Variants in ELMOD2 observed in about 807,000 individuals in gnomAD.
ELMOD2 encodes the protein ELMO domain-containing protein 2.
Under a neutral mutation model 41.0 loss-of-function variants are expected in ELMOD2, and 28 were observed. The ratio of observed to expected loss-of-function variants is 0.68; its 90% CI spans 0.51 to 0.94. The LOEUF (loss-of-function observed/expected upper bound fraction) is 0.94, where lower values mean the gene tolerates loss of function less well. Ranked by LOEUF, ELMOD2 falls within the 40% of genes least tolerant of loss-of-function variation. The pLI, the probability that ELMOD2 is intolerant of heterozygous loss-of-function variation, is 0.00. For missense variants in ELMOD2, 333 were observed against 343.1 expected (o/e 0.97, Z 0.23); for synonymous variants, 106 against 107.2 (o/e 0.99, Z 0.07).
chr4:140,529,684 C>T (rs1734683114), intron 3 of ELMOD2, among the ~76,000 whole-genome samples: 1 of 152,162 alleles, frequency 6.6e-6, no homozygotes, highest in Non-Finnish European at 1.5e-5. Context: ...ACCTTTGCAC[C>T]AGGTCTTCTG....
At chr4:140,540,391 A>T in intron 6 of ELMOD2, 90 bp downstream of exon 6, 1 of 1,473,396 alleles carries the variant, frequency 6.8e-7, no homozygotes. Flanking sequence ...GATCTAGTTG[A>T]TTCATACTAT....
rs1346693260 is a variant in ELMOD2 at position 140,550,581 on chromosome 4, C to G, written c.*206C>G. The G allele has an allele frequency of 4.7e-6, 2 of 425,366 alleles. No homozygotes were observed. The highest frequency in any genetic ancestry group is 7.9e-6 in the Non-Finnish European group (2 of 252,726). The allele number at this position is 425,366 out of a possible 1,614,324, so 26.3% of individuals were successfully genotyped here. A position where few individuals can be genotyped will look rare whatever the true frequency, so the allele number is the denominator to read the frequency against. ...GTTCTCCAAAGGTACCTTATCCTTC[C>G]AAAGATCCCCTCTGTAGAGTCATGC... On this transcript the variant is annotated 3_prime_UTR_variant, in exon 9 of 9. Coordinates refer to ENST00000323570, the MANE Select transcript of ELMOD2 (RefSeq NM_153702.4).
chr4:140,530,443 G>A (rs1340069221), intron 3 of ELMOD2, among the ~76,000 whole-genome samples: 1 of 152,136 alleles, frequency 6.6e-6, no homozygotes, highest in African/African-American at 2.4e-5. Flanking sequence ...AGAAGGAAGA[G>A]GTAAATGTAG....
Position 140,550,240 on chromosome 4 carries a change from C to T in ELMOD2, c.747C>T (p.Val249=), listed in dbSNP as rs760347825. ...EHFHQFYCYL[V]YEFDKFWFEE... is the part of the protein sequence containing the mutation. ...TTTCTTTAACTGCAGGTTATCTTGT[C>T]TATGAATTTGACAAGTTTTGGTTTG... Residue 249 remains valine (V), a synonymous_variant, in exon 9 of 9, where the codon GTC becomes GTT. Coordinates refer to ENST00000323570, the MANE Select transcript of ELMOD2 (RefSeq NM_153702.4). 1.2e-6 allele frequency: 2 copies of T among 1,608,856 alleles called. No homozygotes were observed. Among genetic ancestry groups the T allele is most frequent in the Middle Eastern group, 1.7e-4 (1 of 6,026 alleles).
At chr4:140,540,876 T>G (rs1238484323) in intron 6 of ELMOD2, among the ~76,000 whole-genome samples, 1 of 152,244 alleles carries the variant, frequency 6.6e-6, no homozygotes, top group Non-Finnish European at 1.5e-5. Context: ...ATGCTCCTAC[T>G]GCCTTTATTC....
chr4:140,549,013 G>A (rs771008946), intron 8 of ELMOD2, among the ~76,000 whole-genome samples: 27 of 151,918 alleles, frequency 1.8e-4, no homozygotes, highest in Non-Finnish European at 3.8e-4. Flanking sequence ...CACCACCTCT[G>A]AAAGTTTTTA....
Position 140,545,992 on chromosome 4 carries a change from A to T in ELMOD2, c.736+2406A>T, listed in dbSNP as rs200824510. On this transcript the variant is annotated intron_variant, in intron 8 of 8. Coordinates refer to ENST00000323570, the MANE Select transcript of ELMOD2 (RefSeq NM_153702.4). ...CCAGCCATCCCATTACTGGGTATATACCCAAAGGAATATAAATCATGCTTC... is the reference window on the plus strand; with the variant it reads ...CCAGCCATCCCATTACTGGGTATATTCCCAAAGGAATATAAATCATGCTTC... Among the ~76,000 whole-genome samples the T allele has an allele frequency of 2.0e-5, 3 of 152,174 alleles. No individual in the cohort carries two copies. The East Asian group carries it at 5.8e-4, about 29-fold the overall frequency.
intron 6 of ELMOD2, among the ~76,000 whole-genome samples, chr4:140,540,652 C>G (rs959027208): frequency 4.6e-5 from 7 of 150,872 alleles, no homozygotes; most frequent in East Asian, 3.9e-4. Context: ...GAGGCTGAGG[C>G]AGAAGGATTG....
intron 3 of ELMOD2, 137 bp downstream of exon 3, chr4:140,527,631 T>G (rs1734613057): frequency 1.5e-6 from 1 of 670,462 alleles, no homozygotes; most frequent in Non-Finnish European, 2.5e-6. Flanking sequence ...AGAGGTAATA[T>G]TCTGTTTTCA....
chr4:140,525,351 A>G (rs1734523428), intron 1 of ELMOD2, 69 bp from the exon 2 acceptor site: 7 of 1,456,706 alleles, frequency 4.8e-6, no homozygotes, highest in Non-Finnish European at 6.5e-6. Context: ...GATCAGTTGT[A>G]TAAACTTTTT....
intron 8 of ELMOD2, among the ~76,000 whole-genome samples, chr4:140,546,045 A>G (rs1202040978): frequency 1.3e-5 from 2 of 152,144 alleles, no homozygotes; most frequent in African/African-American, 4.8e-5. Flanking sequence ...ACATATGTTT[A>G]TTGCGGCACT....
rs369931014 is a variant in ELMOD2, at chr4:140,540,156, A to G, written c.400-12A>G. The G allele has an allele frequency of 3.1e-6, 5 of 1,611,148 alleles. No homozygotes were observed. Among genetic ancestry groups the G allele is most frequent in the Admixed American group, 1.7e-5 (1 of 59,152 alleles). ...AAGAAAATGTCTTAATAATGGAAAT[A>G]TATTTGTACAGCTTTGGAATCTTCT... is the stretch of plus-strand genomic sequence containing the variant. On this transcript the variant is annotated splice_polypyrimidine_tract_variant and intron_variant, in intron 5 of 8. Coordinates refer to ENST00000323570, the MANE Select transcript of ELMOD2 (RefSeq NM_153702.4).
chr4:140,533,627 C>CG (rs1734819192), intron 3 of ELMOD2, among the ~76,000 whole-genome samples: 1 of 152,060 alleles, frequency 6.6e-6, no homozygotes, highest in African/African-American at 2.4e-5. Flanking sequence ...AGTTAAACTT[C>CG]ATCAAAATAA....
chr4:140,530,529 G>C (rs192318846), intron 3 of ELMOD2, among the ~76,000 whole-genome samples: 68 of 152,160 alleles, frequency 4.5e-4, no homozygotes, highest in African/African-American at 1.5e-3. Flanking sequence ...TTTTACCTCT[G>C]TTTCTTGCTA....
intron 8 of ELMOD2, among the ~76,000 whole-genome samples, chr4:140,545,391 G>T (rs1023718081): frequency 6.6e-6 from 1 of 151,980 alleles, no homozygotes; most frequent in Admixed American, 6.6e-5. Context: ...TTTCCTAAGT[G>T]GTACCATCTG....
rs958598769 is a variant in ELMOD2 at position 140,552,859 on chromosome 4, G to A, written c.*2484G>A. 1 of 152,006 alleles carries A rather than the reference G, an allele frequency of 6.6e-6. No individual in the cohort carries two copies. The allele number at this position is 152,006 out of a possible 1,614,324, so 9.4% of individuals were successfully genotyped here. A position where few individuals can be genotyped will look rare whatever the true frequency, so the allele number is the denominator to read the frequency against. On this transcript the variant is annotated 3_prime_UTR_variant, in exon 9 of 9. Transcript: ENST00000323570. Reference sequence around the variant, plus strand: ...AAAATTAACAGTTATGGTTTTAATAGGATCTGAAAGACAATCTTTAAAGAA... The same window carrying A: ...AAAATTAACAGTTATGGTTTTAATAAGATCTGAAAGACAATCTTTAAAGAA...
At position 140,525,497 on chromosome 4, in the gene ELMOD2, A is replaced by G; in HGVS notation, c.69A>G (p.Arg23=). The G allele has an allele frequency of 6.2e-7, 1 of 1,614,044 alleles. No homozygotes were observed. Among genetic ancestry groups the G allele is most frequent in the Non-Finnish European group, 8.5e-7 (1 of 1,179,974 alleles). ...FFRFWMKWLL[R]QMTGKCELQR... ...GATTTTGGATGAAATGGCTATTACG[A>G]CAGATGACTGGGAAGTGTGAATTGC... Residue 23 remains arginine, a synonymous_variant, in exon 2 of 9, where the codon CGA becomes CGG. Transcript: ENST00000323570.
At position 140,527,568 on chromosome 4, in the gene ELMOD2, C is replaced by T. The variant is rs1734610904; in HGVS notation, c.171+74C>T. The T allele has an allele frequency of 5.0e-5, 60 of 1,194,988 alleles. 2 individuals are homozygous for T. The South Asian group carries it at 8.2e-4, about 16-fold the overall frequency. 74.0% of individuals were successfully genotyped at this position (1,194,988 alleles called of 1,614,324 possible). On this transcript the variant is annotated intron_variant, in intron 3 of 8. Transcript: ENST00000323570. ...TTTTTTCTTAAAAAAAAAAAAGTGC[C>T]CTGCTAGAAGAGTGTTTTCTATAGT...
At chr4:140,544,987 TCCA>T in intron 8 of ELMOD2, among the ~76,000 whole-genome samples, 1 of 152,252 alleles carries the variant, frequency 6.6e-6, no homozygotes. Flanking sequence ...AGTGTCCACC[TCCA>T]GATACTGCTT....
Sources: allele counts gnomAD v4.1 joint callset (sites outside exome capture counted in the v4.1 genomes callset), GRCh38; gene constraint gnomAD v4.1.1; transcripts MANE v1.5; gene names NCBI Gene and HGNC (gene_info 2026-07-23, HGNC 2026-07-21).